Variants in PDLIM5 observed in about 807,000 individuals in gnomAD.
PDLIM5 encodes PDZ and LIM domain 5.
PDLIM5 carries 34 observed loss-of-function variants against 64.2 expected under a neutral mutation model. The ratio of observed to expected loss-of-function variants is 0.53; its 90% CI spans 0.40 to 0.71. PDLIM5 has a LOEUF of 0.71. Ranked by LOEUF, PDLIM5 falls within the 30% of genes least tolerant of loss-of-function variation. The probability of loss-of-function intolerance (pLI) is 0.00; values close to 1 mark genes in which losing one functional copy is unlikely to be tolerated. For synonymous variants in PDLIM5, 253 were observed against 269.1 expected, an observed-to-expected ratio of 0.94 and a Z score of 0.59; for missense variants, 683 against 733.6, an observed-to-expected ratio of 0.93 and a Z score of 0.80.
At chr4:94,579,528 A>G in intron 5 of PDLIM5, 1 of 1,370,198 alleles carries the variant, frequency 7.3e-7, no homozygotes, top group Non-Finnish European at 1.0e-6. Flanking sequence ...CAGAAAACAC[A>G]AGTGACAAAG....
At chr4:94,537,754 CAG>C (rs1411044157) in intron 3 of PDLIM5, among the ~76,000 whole-genome samples, 1 of 152,126 alleles carries the variant, frequency 6.6e-6, no homozygotes, top group Non-Finnish European at 1.5e-5. Flanking sequence ...TCCTACTTTA[CAG>C]AGAGTTAAGT....
In PDLIM5 at chr4:94,619,861, G is replaced by A. The variant is rs80093284; in HGVS notation, c.1108+1670G>A. On this transcript the variant is annotated intron_variant, in intron 8 of 12. Coordinates refer to ENST00000317968, the MANE Select transcript of PDLIM5 (RefSeq NM_006457.5). The stretch of plus-strand genomic sequence containing the variant: ...TGCCCTCGAACTCCTGAGCTTAAGC[G>A]ATCCTCCCACCTTGTCTTCCCAAAG... Among the ~76,000 whole-genome samples, 478 of 152,058 alleles carry A rather than the reference G, an allele frequency of 3.1e-3. 1 individual carries two copies. Among genetic ancestry groups the A allele is most frequent in the African/African-American group, 0.01 (429 of 41,466 alleles).
At chr4:94,494,156 T>TG (rs1030061733) in intron 2 of PDLIM5, among the ~76,000 whole-genome samples, 27 of 151,884 alleles carry the variant, frequency 1.8e-4, no homozygotes, top group Non-Finnish European at 1.3e-4. Context: ...TTTGTGGAGA[T>TG]GGGGTCTTGC....
intron 2 of PDLIM5, among the ~76,000 whole-genome samples, chr4:94,509,334 T>C (rs1351370255): frequency 6.6e-6 from 1 of 152,160 alleles, no homozygotes; most frequent in African/African-American, 2.4e-5. Context: ...CTTTCTCTGC[T>C]CTATTTTTCT....
intron 9 of PDLIM5, among the ~76,000 whole-genome samples, chr4:94,653,218 G>A (rs940717170): frequency 4.0e-5 from 6 of 151,870 alleles, no homozygotes; most frequent in Non-Finnish European, 5.9e-5. Flanking sequence ...TCTGGCCTTG[G>A]CTGGGTCAGT....
Position 94,664,250 on chromosome 4 carries a change from G to T in PDLIM5, c.*183G>T. 1 of 1,093,984 alleles carries T rather than the reference G, an allele frequency of 9.1e-7. No individual in the cohort carries two copies. The allele number at this position is 1,093,984 out of a possible 1,614,324, so 67.8% of individuals were successfully genotyped here. On this transcript the variant is annotated 3_prime_UTR_variant, in exon 13 of 13. Transcript: ENST00000317968. ...ATTTGGCTTCATAAAGTAAAGAGACGGTTTGGCATTTATTATTACTTTTTC... is the reference window on the plus strand; with the variant it reads ...ATTTGGCTTCATAAAGTAAAGAGACTGTTTGGCATTTATTATTACTTTTTC...
chr4:94,464,173 T>A (rs944557682), intron 2 of PDLIM5, among the ~76,000 whole-genome samples: 1 of 152,212 alleles, frequency 6.6e-6, no homozygotes, highest in African/African-American at 2.4e-5. Context: ...TTGCAACACT[T>A]GTTATTTGGA....
intron 7 of PDLIM5, among the ~76,000 whole-genome samples, chr4:94,589,690 T>A (rs906905689): frequency 6.6e-5 from 10 of 152,078 alleles, no homozygotes; most frequent in Non-Finnish European, 1.2e-4. Flanking sequence ...AAGTTGCTCT[T>A]AAGAATGTTT....
chr4:94,471,627 C>A (rs1006069295), intron 2 of PDLIM5, among the ~76,000 whole-genome samples: 6 of 152,088 alleles, frequency 3.9e-5, no homozygotes, highest in Non-Finnish European at 8.8e-5. Flanking sequence ...GAACAGAATG[C>A]CTGTGTGTGG....
chr4:94,645,782 G>T (rs1339355760), intron 9 of PDLIM5, among the ~76,000 whole-genome samples: 3 of 152,050 alleles, frequency 2.0e-5, no homozygotes, highest in Admixed American at 6.5e-5. Context: ...TTGCACAAGA[G>T]TTTGTGTGTT....
chr4:94,644,115 G>A lies in PDLIM5; in HGVS notation c.1283+3665G>A, dbSNP rs1035053442. Among the ~76,000 whole-genome samples the A allele has an allele frequency of 5.9e-5, 9 of 152,298 alleles. No homozygotes were observed. The East Asian group carries it at 1.5e-3, about 26-fold the overall frequency. ...CAGCATCTATATAATGTAATTTTCA[G>A]ATAATAGTTAAAGTTAAATGTGTTT... On this transcript the variant is annotated intron_variant, in intron 9 of 12. Transcript: ENST00000317968.
At chr4:94,596,532 T>TTA (rs1262384860) in intron 7 of PDLIM5, among the ~76,000 whole-genome samples, 2 of 152,134 alleles carry the variant, frequency 1.3e-5, no homozygotes, top group East Asian at 3.9e-4. Context: ...CTCCTGCACT[T>TTA]TAGTTTTTTT....
At chr4:94,558,427 T>A (rs1389015776) in intron 3 of PDLIM5, among the ~76,000 whole-genome samples, 2 of 152,170 alleles carry the variant, frequency 1.3e-5, no homozygotes, top group Non-Finnish European at 2.9e-5. Context: ...AAGGCTAGCA[T>A]TTAATTGTGG....
At chr4:94,584,759 G>C in intron 5 of PDLIM5, 1 of 474,294 alleles carries the variant, frequency 2.1e-6, no homozygotes, top group Non-Finnish European at 3.8e-6. Context: ...TTTCGTGAAA[G>C]CCAATACATT....
chr4:94,546,095 A>C (rs1486965031), intron 3 of PDLIM5, among the ~76,000 whole-genome samples: 1 of 152,164 alleles, frequency 6.6e-6, no homozygotes, highest in African/African-American at 2.4e-5. Context: ...ACTTTTGTGC[A>C]TATTATACAA....
chr4:94,517,069 G>A (rs1034108493), intron 2 of PDLIM5, among the ~76,000 whole-genome samples: 2 of 152,110 alleles, frequency 1.3e-5, no homozygotes, highest in Admixed American at 6.6e-5. Flanking sequence ...ATATATGCGG[G>A]GGGGACATCA....
At position 94,664,870 on chromosome 4, in the gene PDLIM5, C is replaced by CAA; in HGVS notation, c.*811_*812dup. ...GGGTGACAGAGTGAGACTCTGTCTCCAAAAAAAAACTTTGCTTGTATATTA... is the reference window on the plus strand; with the variant it reads ...GGGTGACAGAGTGAGACTCTGTCTCCAAAAAAAAAAACTTTGCTTGTATATTA... On this transcript the variant is annotated 3_prime_UTR_variant, in exon 13 of 13. Transcript: ENST00000317968. 5.8e-6 allele frequency: 5 copies of CAA among 868,058 alleles called. No homozygotes were observed. The highest frequency in any genetic ancestry group is 5.5e-6 in the Non-Finnish European group (4 of 723,456). 53.8% of individuals were successfully genotyped at this position (868,058 alleles called of 1,614,324 possible).
chr4:94,598,040 G>A (rs1737203812), intron 7 of PDLIM5, among the ~76,000 whole-genome samples: 1 of 152,146 alleles, frequency 6.6e-6, no homozygotes, highest in Admixed American at 6.5e-5. Flanking sequence ...ATGAAATGAG[G>A]TTGATAAGTA....
intron 9 of PDLIM5, among the ~76,000 whole-genome samples, chr4:94,641,257 G>A (rs1226221612): frequency 2.0e-5 from 3 of 152,138 alleles, no homozygotes; most frequent in Non-Finnish European, 4.4e-5. Flanking sequence ...TGAAATAATT[G>A]AAACAGTGGC....
Sources: gnomAD v4.1 joint callset for allele counts (sites outside exome capture counted in the v4.1 genomes callset) on GRCh38, gnomAD v4.1.1 for gene constraint, MANE v1.5 for transcripts, NCBI Gene and HGNC (gene_info 2026-07-23, HGNC 2026-07-21) for gene names.